Variants in PXDNL observed in about 807,000 individuals in gnomAD.
PXDNL encodes the protein probable oxidoreductase PXDNL.
A neutral mutation model predicts 150.8 loss-of-function variants in PXDNL; 145 were observed. That is an observed-to-expected ratio of 0.96 (90% confidence interval 0.84 to 1.10). The LOEUF (loss-of-function observed/expected upper bound fraction) is 1.10. PXDNL is among the 50% of genes least tolerant of loss of function. The probability of loss-of-function intolerance (pLI) is 0.00; values close to 1 mark genes in which losing one functional copy is unlikely to be tolerated. For synonymous variants in PXDNL, 757 were observed against 725.7 expected, an observed-to-expected ratio of 1.04 and a Z score of -0.69; for missense variants, 2,087 against 1,873.9, an observed-to-expected ratio of 1.11 and a Z score of -2.10.
chr8:51,735,922 G>C (rs1401462868), intron 1 of PXDNL, among the ~76,000 whole-genome samples: 1 of 152,090 alleles, frequency 6.6e-6, no homozygotes, highest in Admixed American at 6.6e-5. Context: ...ACTGTTTCTG[G>C]ACAGATTTAG....
chr8:51,413,321 T>A, intron 14 of PXDNL, 63 bp from the exon 15 acceptor site: 2 of 887,396 alleles, frequency 2.3e-6, no homozygotes. Flanking sequence ...CATGATATTA[T>A]ATGAATGGCA....
At chr8:51,592,788 CA>C (rs1297347752) in intron 2 of PXDNL, 90 bp from the exon 3 acceptor site, 2 of 834,290 alleles carry the variant, frequency 2.4e-6, no homozygotes, top group Non-Finnish European at 3.4e-6. Context: ...GTGCTTTACA[CA>C]ACAGAAAAAT....
At chr8:51,647,692 C>T (rs1814948339) in intron 2 of PXDNL, among the ~76,000 whole-genome samples, 4 of 152,150 alleles carry the variant, frequency 2.6e-5, no homozygotes, top group Admixed American at 6.5e-5. Context: ...CATTTTTCTG[C>T]AAGACTGACA....
At chr8:51,625,584 T>C (rs1407001738) in intron 2 of PXDNL, among the ~76,000 whole-genome samples, 1 of 152,198 alleles carries the variant, frequency 6.6e-6, no homozygotes, top group Non-Finnish European at 1.5e-5. Context: ...GGTTCAAATT[T>C]CTTGCCATGG....
chr8:51,607,951 G>A (rs1048791461), intron 2 of PXDNL, among the ~76,000 whole-genome samples: 1 of 134,854 alleles, frequency 7.4e-6, no homozygotes, highest in Non-Finnish European at 1.6e-5. Flanking sequence ...AGAGAAAGAA[G>A]AAAGAAATAA....
At chr8:51,754,337 G>A (rs1167117900) in intron 1 of PXDNL, among the ~76,000 whole-genome samples, 1 of 152,148 alleles carries the variant, frequency 6.6e-6, no homozygotes, top group Non-Finnish European at 1.5e-5. Flanking sequence ...AGGGGCTGTT[G>A]ATCCCATTGC....
At chr8:51,445,936 C>A (rs1281990163) in intron 12 of PXDNL, among the ~76,000 whole-genome samples, 1 of 151,792 alleles carries the variant, frequency 6.6e-6, no homozygotes, top group African/African-American at 2.4e-5. Flanking sequence ...TTGCTATTTT[C>A]ATATCTTCCC....
chr8:51,651,531 G>A (rs1411573111), intron 2 of PXDNL, among the ~76,000 whole-genome samples: 1 of 152,142 alleles, frequency 6.6e-6, no homozygotes, highest in Non-Finnish European at 1.5e-5. Context: ...TCTTCTCAAG[G>A]TTCTTTTCAT....
intron 1 of PXDNL, among the ~76,000 whole-genome samples, chr8:51,789,886 G>C (rs1022649782): frequency 3.3e-5 from 5 of 152,022 alleles, no homozygotes; most frequent in African/African-American, 1.2e-4. Context: ...TTTAAAAAAT[G>C]AATTATTGTA....
chr8:51,741,352 C>G (rs1338752242), intron 1 of PXDNL, among the ~76,000 whole-genome samples: 2 of 152,114 alleles, frequency 1.3e-5, no homozygotes, highest in Non-Finnish European at 2.9e-5. Context: ...ATTTTAGGTG[C>G]TCCTATATTG....
At chr8:51,470,424 C>CA (rs919408846) in intron 8 of PXDNL, among the ~76,000 whole-genome samples, 4 of 150,634 alleles carry the variant, frequency 2.7e-5, no homozygotes, top group Admixed American at 6.6e-5. Flanking sequence ...TACAAACAAG[C>CA]AAAAAAAATC....
chr8:51,503,711 T>C (rs1423150175), intron 4 of PXDNL, among the ~76,000 whole-genome samples: 1 of 152,240 alleles, frequency 6.6e-6, no homozygotes, highest in East Asian at 1.9e-4. Context: ...GTTATCCCTT[T>C]ATTTAAAGCA....
intron 1 of PXDNL, among the ~76,000 whole-genome samples, chr8:51,767,293 T>C (rs996799559): frequency 1.3e-5 from 2 of 151,930 alleles, no homozygotes; most frequent in Non-Finnish European, 2.9e-5. Context: ...TCCTCCTTTC[T>C]CTGTGAAAAC....
intron 4 of PXDNL, among the ~76,000 whole-genome samples, chr8:51,521,660 A>G (rs561440737): frequency 1.3e-5 from 2 of 152,300 alleles, no homozygotes; most frequent in South Asian, 4.1e-4. Context: ...GAGCTTAGAA[A>G]CACCAAGCAA....
At chr8:51,475,527 G>A (rs1810453184) in intron 6 of PXDNL, among the ~76,000 whole-genome samples, 1 of 152,142 alleles carries the variant, frequency 6.6e-6, no homozygotes, top group Admixed American at 6.6e-5. Flanking sequence ...GCTTTGGGAG[G>A]CCTAGGCAAA....
At chr8:51,510,328 A>G (rs915696698) in intron 4 of PXDNL, among the ~76,000 whole-genome samples, 3 of 152,232 alleles carry the variant, frequency 2.0e-5, no homozygotes, top group African/African-American at 4.8e-5. Flanking sequence ...GATCACGCTA[A>G]GACTTCCTCT....
chr8:51,666,309 A>G (rs1257457061), intron 1 of PXDNL, among the ~76,000 whole-genome samples: 2 of 152,034 alleles, frequency 1.3e-5, no homozygotes, highest in Non-Finnish European at 2.9e-5. Context: ...CTGCCTCTGT[A>G]TGAGCCCTCT....
chr8:51,361,531 ACATT>A (rs1448926347), intron 19 of PXDNL, among the ~76,000 whole-genome samples: 1 of 152,198 alleles, frequency 6.6e-6, no homozygotes, highest in Non-Finnish European at 1.5e-5. Context: ...AGCTATGCCT[ACATT>A]TGCATGTATA....
chr8:51,690,139 T>C lies in PXDNL; in HGVS notation c.165-35379A>G, dbSNP rs1359164099. Among the ~76,000 whole-genome samples, 2 of 152,178 alleles carry C rather than the reference T, an allele frequency of 1.3e-5. 1 individual carries two copies. The highest frequency in any genetic ancestry group is 2.9e-5 in the Non-Finnish European group (2 of 68,022). ...GTCAATGGCTGATGAGCTAATCTCATATGTGGAAAAAAGTACTGTTTTTCT... is the reference window on the plus strand; with the variant it reads ...GTCAATGGCTGATGAGCTAATCTCACATGTGGAAAAAAGTACTGTTTTTCT... On this transcript the variant is annotated intron_variant, in intron 1 of 22. Coordinates refer to ENST00000356297, the MANE Select transcript of PXDNL (RefSeq NM_144651.5).
Sources: allele counts gnomAD v4.1 joint callset (sites outside exome capture counted in the v4.1 genomes callset), GRCh38; gene constraint gnomAD v4.1.1; transcripts MANE v1.5; gene names NCBI Gene and HGNC (gene_info 2026-07-23, HGNC 2026-07-21).